SH3D19: variants seen among roughly 807,000 people sequenced by gnomAD.
The protein encoded by SH3D19 is SH3 domain containing 19.
In SH3D19, 58 loss-of-function variants were observed where a neutral mutation model predicts 112.1. That is an observed-to-expected ratio of 0.52 (90% CI 0.42 to 0.64). The LOEUF is 0.64. Among genes scored for constraint, SH3D19 ranks in the 30% least tolerant of loss-of-function variants. The pLI, the probability that SH3D19 is intolerant of heterozygous loss-of-function variation, is 0.00. For missense variants in SH3D19, 1,090 were observed against 1,263.4 expected, an observed-to-expected ratio of 0.86 and a Z score of 2.08; for synonymous variants, 391 against 448.5, an observed-to-expected ratio of 0.87 and a Z score of 1.62.
chr4:151,164,364 T>A (rs1015270953), intron 8 of SH3D19, among the ~76,000 whole-genome samples: 1 of 152,202 alleles, frequency 6.6e-6, no homozygotes, highest in Non-Finnish European at 1.5e-5. Flanking sequence ...TGTGTGTGTG[T>A]ACACATACAC....
chr4:151,261,232 C>T (rs949185483), intron 1 of SH3D19: 2 of 152,154 alleles, frequency 1.3e-5, no homozygotes, highest in African/African-American at 4.8e-5. Flanking sequence ...GGCAGAGTCA[C>T]AAGAAACCCA....
At chr4:151,307,531 C>T (rs189476545) in intron 1 of SH3D19, among the ~76,000 whole-genome samples, 61 of 152,374 alleles carry the variant, frequency 4.0e-4, no homozygotes, top group Non-Finnish European at 7.3e-4. Flanking sequence ...GTGCTAGACC[C>T]GTCAGGCAGG....
intron 1 of SH3D19, among the ~76,000 whole-genome samples, chr4:151,308,508 A>T (rs1187609888): frequency 6.6e-6 from 1 of 152,180 alleles, no homozygotes; most frequent in Non-Finnish European, 1.5e-5. Context: ...TCTTGCCCCA[A>T]AGGGACCTGG....
intron 13 of SH3D19, among the ~76,000 whole-genome samples, chr4:151,138,338 G>C (rs1462105132): frequency 6.6e-6 from 1 of 152,164 alleles, no homozygotes; most frequent in Non-Finnish European, 1.5e-5. Flanking sequence ...AAAAGAGATT[G>C]TAAGTAAATC....
rs1217090828 is a variant in SH3D19 at position 151,143,893 on chromosome 4, C to A, written c.2223+17G>T. ...GCTATGTGTGATATGAGGGCTGTAA[C>A]AATATTAATTCCTTACGTTTGGTCT... On this transcript the variant is annotated intron_variant, in intron 12 of 19. Coordinates refer to ENST00000604030, the MANE Select transcript of SH3D19 (RefSeq NM_001378122.1). The A allele has an allele frequency of 1.2e-6, 2 of 1,602,912 alleles. No individual in the cohort carries two copies. Among genetic ancestry groups the A allele is most frequent in the Non-Finnish European group, 1.7e-6 (2 of 1,174,478 alleles).
chr4:151,267,163 A>AT lies in SH3D19; in HGVS notation c.113-41078_113-41077insA, dbSNP rs1247389295. Among the ~76,000 whole-genome samples, 7 of 82,180 alleles carry AT rather than the reference A, an allele frequency of 8.5e-5. No individual in the cohort carries two copies. The South Asian group carries it at 1.5e-3, about 17-fold the overall frequency. 53.9% of individuals were successfully genotyped at this position (82,180 alleles called of 152,430 possible). On this transcript the variant is annotated intron_variant, in intron 1 of 19. Coordinates refer to ENST00000604030, the MANE Select transcript of SH3D19 (RefSeq NM_001378122.1). ...GTGAGACTCAGTCTCTCTCTAAAAA[A>AT]AAAAAAAAATAAATAAAATAAATTA...
intron 1 of SH3D19, among the ~76,000 whole-genome samples, chr4:151,309,482 G>T (rs1264550637): frequency 6.6e-6 from 1 of 152,060 alleles, no homozygotes; most frequent in Non-Finnish European, 1.5e-5. Context: ...TCTGATAAGG[G>T]GTTAATATCC....
chr4:151,148,420 T>C (rs959986105), intron 10 of SH3D19, among the ~76,000 whole-genome samples: 1 of 152,204 alleles, frequency 6.6e-6, no homozygotes, highest in Admixed American at 6.5e-5. Flanking sequence ...TTTCCTCTTA[T>C]CTTGCGCTAG....
At chr4:151,286,919 A>G (rs2150014295) in intron 1 of SH3D19, among the ~76,000 whole-genome samples, 1 of 151,346 alleles carries the variant, frequency 6.6e-6, no homozygotes, top group East Asian at 1.9e-4. Flanking sequence ...GGTAGAGGTT[A>G]CAGTGAGCCG....
At chr4:151,229,134 A>G (rs1269685758) in intron 1 of SH3D19, among the ~76,000 whole-genome samples, 2 of 151,926 alleles carry the variant, frequency 1.3e-5, no homozygotes, top group African/African-American at 4.8e-5. Flanking sequence ...GGCCTCCCAA[A>G]GTGTTGGGAT....
At chr4:151,300,117 C>T (rs1441781027) in intron 1 of SH3D19, among the ~76,000 whole-genome samples, 2 of 152,012 alleles carry the variant, frequency 1.3e-5, no homozygotes, top group Non-Finnish European at 2.9e-5. Context: ...AGGAGAATTG[C>T]TTGAACCCAG....
At chr4:151,156,588 CA>C (rs1030609166) in intron 9 of SH3D19, among the ~76,000 whole-genome samples, 1 of 152,178 alleles carries the variant, frequency 6.6e-6, no homozygotes, top group African/African-American at 2.4e-5. Flanking sequence ...ACAGTCTCTT[CA>C]ATAAATGGCG....
intron 1 of SH3D19, among the ~76,000 whole-genome samples, chr4:151,268,585 T>TC: frequency 9.5e-6 from 1 of 104,734 alleles, no homozygotes; most frequent in South Asian, 4.2e-4. Flanking sequence ...ATGCTATCCC[T>TC]CCCCCTCCCC....
intron 12 of SH3D19, among the ~76,000 whole-genome samples, chr4:151,142,566 G>A (rs1449494031): frequency 1.3e-5 from 2 of 152,082 alleles, no homozygotes; most frequent in Non-Finnish European, 2.9e-5. Context: ...CACCGAAGAA[G>A]GTGGAAGGGG....
chr4:151,180,868 A>AT (rs1760806129), intron 3 of SH3D19, among the ~76,000 whole-genome samples: 1 of 148,722 alleles, frequency 6.7e-6, no homozygotes, highest in Admixed American at 6.7e-5. Context: ...GGTTCATGCC[A>AT]TTCTCCTGCC....
At chr4:151,308,544 A>C (rs1729140509) in intron 1 of SH3D19, among the ~76,000 whole-genome samples, 1 of 152,210 alleles carries the variant, frequency 6.6e-6, no homozygotes, top group Non-Finnish European at 1.5e-5. Context: ...GCAGCTCTCT[A>C]TGGGTTTGCC....
rs1162724030 is a variant in SH3D19 at position 151,299,689 on chromosome 4, T to C, written c.112+25552A>G. On this transcript the variant is annotated intron_variant, in intron 1 of 19. Coordinates refer to ENST00000604030, the MANE Select transcript of SH3D19 (RefSeq NM_001378122.1). ...TATGAGTTCAATGAAGTTATTTTAA[T>C]TTCTGGAACAGAGGGCTAATATGAA... 4.6e-5 allele frequency among the ~76,000 whole-genome samples: 7 copies of C among 152,158 alleles called. No homozygotes were observed. The East Asian group carries it at 7.7e-4, about 17-fold the overall frequency.
intron 2 of SH3D19, among the ~76,000 whole-genome samples, chr4:151,200,032 C>T (rs1370264988): frequency 6.6e-6 from 1 of 152,014 alleles, no homozygotes; most frequent in African/African-American, 2.4e-5. Context: ...TGCCTTTCTG[C>T]CATAAGAGGA....
At chr4:151,272,406 C>A (rs1773292074) in intron 1 of SH3D19, among the ~76,000 whole-genome samples, 1 of 152,158 alleles carries the variant, frequency 6.6e-6, no homozygotes, top group Non-Finnish European at 1.5e-5. Context: ...AATGATACAT[C>A]ATTTTAGCTT....
Sources: allele counts gnomAD v4.1 joint callset (sites outside exome capture counted in the v4.1 genomes callset), GRCh38; gene constraint gnomAD v4.1.1; transcripts MANE v1.5; gene names NCBI Gene and HGNC (gene_info 2026-07-23, HGNC 2026-07-21).